The following OXA1L variants were observed in gnomAD, a reference collection of about 807,000 sequenced individuals.
OXA1L encodes OXA1L mitochondrial inner membrane insertase, also known as mitochondrial inner membrane protein OXA1L.
In OXA1L, 42 loss-of-function variants were observed where a neutral mutation model predicts 52.2. That is an observed-to-expected ratio of 0.80 (90% CI 0.63 to 1.04). The LOEUF (loss-of-function observed/expected upper bound fraction) is 1.04. OXA1L is among the 50% of genes least tolerant of loss of function. The pLI is 0.00. For synonymous variants in OXA1L, 239 were observed against 201.9 expected (o/e 1.18, Z -1.56); for missense variants, 572 against 555.0 (o/e 1.03, Z -0.31).
chr14:22,767,900 C>G, intron 2 of OXA1L, 58 bp from the exon 3 acceptor site: 1 of 1,338,354 alleles, frequency 7.5e-7, no homozygotes, highest in Non-Finnish European at 1.0e-6. Flanking sequence ...ATAAAAAGAT[C>G]TCACTTGCTT....
At chr14:22,768,302 G>A in intron 3 of OXA1L, 131 bp downstream of exon 3, 1 of 680,132 alleles carries the variant, frequency 1.5e-6, no homozygotes, top group Admixed American at 2.2e-5. Flanking sequence ...GAGCAATAGA[G>A]GTTCATGATA....
rs535118761 is a variant in OXA1L at position 22,772,556 on chromosome 14, T to C, written c.*998T>C. On this transcript the variant is annotated 3_prime_UTR_variant, in exon 10 of 10. Transcript: ENST00000612549. ...TCCAACCCATGCATGTGTTGTTCTATGCACATTTGGATTGCAGTCTAGAGG... is the reference window on the plus strand; with the variant it reads ...TCCAACCCATGCATGTGTTGTTCTACGCACATTTGGATTGCAGTCTAGAGG... 4 of 150,484 alleles carry C rather than the reference T, an allele frequency of 2.7e-5. No homozygotes were observed. Among genetic ancestry groups the C allele is most frequent in the African/African-American group, 7.4e-5 (3 of 40,698 alleles). The allele number at this position is 150,484 out of a possible 1,614,324, so 9.3% of individuals were successfully genotyped here. A position where few individuals can be genotyped will look rare whatever the true frequency, so the allele number is the denominator to read the frequency against.
At position 22,769,148 on chromosome 14, in the gene OXA1L, A is replaced by ACAATAAG. The variant is rs2038435741; in HGVS notation, c.440-643_440-642insCAATAAG. ...ACTGACTATAGTCACCCTGTTGTGC[A>ACAATAAG]ATCAATAGTAGATCTTATTCTAACT... On this transcript the variant is annotated intron_variant, in intron 3 of 9. Coordinates refer to ENST00000612549, the MANE Select transcript of OXA1L (RefSeq NM_005015.5). Among the ~76,000 whole-genome samples the ACAATAAG allele has an allele frequency of 2.6e-5, 4 of 151,648 alleles. No individual in the cohort carries two copies. In the South Asian group the frequency reaches 8.3e-4, roughly 31 times the overall value.
chr14:22,767,365 C>T lies in OXA1L; in HGVS notation c.181C>T (p.Pro61Ser), dbSNP rs1408260214. Residue 61 changes from proline to serine, a missense_variant, in exon 2 of 10, where the codon CCC becomes TCC. Pro to Ser is a moderately conservative substitution (Grantham distance 74). Around this residue, in one of 5 missense-constraint regions of OXA1L, gnomAD observed 186 missense variants for 151.8 expected, o/e 1.23. Coordinates refer to ENST00000612549, the MANE Select transcript of OXA1L (RefSeq NM_005015.5). ...CTACCTCTTCCTTGCGGCTTCCGGC[C>T]CCCGCAGCCTCAGTACCTCTGCTAT... ...PHYLFLAASG[P>S]RSLSTSAISF... The T allele has an allele frequency of 1.9e-6, 3 of 1,613,800 alleles. No homozygotes were observed. In the South Asian group the frequency reaches 3.3e-5, roughly 18 times the overall value.
chr14:22,771,535 C>T lies in OXA1L; in HGVS notation c.1285C>T (p.Pro429Ser), dbSNP rs149392154. The change falls in exon 10 of 10, where the codon CCC (proline) becomes TCC (serine). Residue 429 changes from proline to serine, a missense_variant. This residue lies in a region of OXA1L where 244 missense variants were observed against 240.2 expected (regional missense o/e 1.02). Transcript: ENST00000612549. ...CAGCAGCAAACCAAAGTCAAAGTAT[C>T]CCTGGCACGACACACTTGGCTGACT... ...SSSSKPKSKYPWHDTLG is the reference protein window; with the variant it reads ...SSSSKPKSKYSWHDTLG 648 of 1,614,066 alleles carry T rather than the reference C, an allele frequency of 4.0e-4. 4 individuals carry two copies. The highest frequency in any genetic ancestry group is 7.7e-5 in the Non-Finnish European group (91 of 1,180,022).
rs1414211706 is a variant in OXA1L, at chr14:22,766,738, C to T, written c.37C>T (p.Leu13=). Residue 13 remains leucine, a synonymous_variant, in exon 1 of 10, where the codon CTG becomes TTG. Coordinates refer to ENST00000612549, the MANE Select transcript of OXA1L (RefSeq NM_005015.5). ...ACTAATGTGCGGACGCCGGGAGCTT[C>T]TGCGCTTGCTACAGTCCGGGCGTCG... ...MGLMCGRREL[L]RLLQSGRRVH... 12 of 1,614,164 alleles carry T rather than the reference C, an allele frequency of 7.4e-6. No homozygotes were observed. Among genetic ancestry groups the T allele is most frequent in the African/African-American group, 1.3e-5 (1 of 74,958 alleles).
Position 22,766,778 on chromosome 14 carries a change from G to A in OXA1L, c.63+14G>A, listed in dbSNP as rs370709488. The A allele has an allele frequency of 8.7e-6, 14 of 1,613,742 alleles. No individual in the cohort carries two copies. Among genetic ancestry groups the A allele is most frequent in the African/African-American group, 5.3e-5 (4 of 74,930 alleles). On this transcript the variant is annotated intron_variant, in intron 1 of 9. Transcript: ENST00000612549. ...TCCGGGCGTCGGGTAAGGATGCCCC[G>A]GGGCAGAGCACCGGGATGCTGCCCT...
intron 1 of OXA1L, 96 bp from the exon 2 acceptor site, chr14:22,767,152 T>C: frequency 6.5e-7 from 1 of 1,542,514 alleles, no homozygotes; most frequent in Non-Finnish European, 8.7e-7. Context: ...CCGAGCTGCC[T>C]GCTTCTTGGG....
chr14:22,768,561 C>T (rs1242119901), intron 3 of OXA1L: 5 of 209,720 alleles, frequency 2.4e-5, no homozygotes, highest in East Asian at 2.1e-4. Context: ...CTTTCTGCCA[C>T]GTTGCTCCAT....
chr14:22,768,604 T>G, intron 3 of OXA1L: 1 of 190,012 alleles, frequency 5.3e-6, no homozygotes. Context: ...TCTTCAGCAT[T>G]TCCCTCCTCA....
At position 22,768,096 on chromosome 14, in the gene OXA1L, GT is replaced by G. The variant is rs763560212; in HGVS notation, c.365del (p.Val122GlyfsTer3). 6.2e-7 allele frequency: 1 copy of G among 1,614,246 alleles called. No individual in the cohort carries two copies. Among genetic ancestry groups the G allele is most frequent in the Admixed American group, 1.7e-5 (1 of 60,034 alleles). On this transcript the variant is annotated frameshift_variant, in exon 3 of 10. Transcript: ENST00000612549. LOFTEE classifies it high-confidence loss of function. ...ACTGGGGCTGGGGTCATACACCCCA[GT>G]GGGACTGATCCAGAATTTACTGGAA... ...AELGLGSYTP[V>X]GLIQNLLEFM...
chr14:22,770,117 C>T, intron 4 of OXA1L, 76 bp from the exon 5 acceptor site: 2 of 1,328,834 alleles, frequency 1.5e-6, no homozygotes, highest in Non-Finnish European at 2.2e-6. Flanking sequence ...ATTTCACAGG[C>T]CAGGTAGATA....
Position 22,769,858 on chromosome 14 carries a change from C to T in OXA1L, c.507C>T (p.Ile169=). The change falls in exon 4 of 10, where the codon ATC becomes ATT. Residue 169 remains isoleucine (I), a synonymous_variant. Transcript: ENST00000612549. Reference sequence around the variant, plus strand: ...CGGGCCAGCGAGAGGCAGCCAGGATCCACAATCACTTGCCAGAGATCCAGA... The same window carrying T: ...CGGGCCAGCGAGAGGCAGCCAGGATTCACAATCACTTGCCAGAGATCCAGA... The part of the protein sequence containing the change: ...IVTGQREAAR[I]HNHLPEIQKF... 6.2e-7 allele frequency: 1 copy of T among 1,614,140 alleles called. No homozygotes were observed. The highest frequency in any genetic ancestry group is 8.5e-7 in the Non-Finnish European group (1 of 1,180,018).
intron 1 of OXA1L, 121 bp downstream of exon 1, chr14:22,766,885 T>G (rs2038409627): frequency 6.5e-7 from 1 of 1,546,636 alleles, no homozygotes; most frequent in Non-Finnish European, 8.7e-7. Context: ...CTGAATGTCA[T>G]GACCTCGGGT....
chr14:22,769,437 C>T lies in OXA1L; in HGVS notation c.440-354C>T, dbSNP rs755444922. On this transcript the variant is annotated intron_variant, in intron 3 of 9. Transcript: ENST00000612549. Reference sequence around the variant, plus strand: ...GACTGCTCTGCATCCAATTAGCCTACTTCTTTCCATTTACTCCCTCAGCCG... The same window carrying T: ...GACTGCTCTGCATCCAATTAGCCTATTTCTTTCCATTTACTCCCTCAGCCG... Among the ~76,000 whole-genome samples, 121 of 152,312 alleles carry T rather than the reference C, an allele frequency of 7.9e-4. 1 individual carries two copies. The highest frequency in any genetic ancestry group is 5.2e-3 in the Admixed American group (79 of 15,302).
intron 3 of OXA1L, chr14:22,768,515 T>G (rs1298888899): frequency 3.3e-6 from 1 of 301,948 alleles, no homozygotes; most frequent in African/African-American, 2.1e-5. Context: ...TAGCATTGCT[T>G]TTGTAAAGGC....
intron 1 of OXA1L, 57 bp downstream of exon 1, chr14:22,766,821 C>T: frequency 6.2e-7 from 1 of 1,605,400 alleles, no homozygotes; most frequent in Non-Finnish European, 8.5e-7. Flanking sequence ...TGAACCAGGC[C>T]CCAGGACAGC....
At chr14:22,767,142 C>CAG (rs2038413731) in intron 1 of OXA1L, 106 bp from the exon 2 acceptor site, 7 of 1,529,966 alleles carry the variant, frequency 4.6e-6, no homozygotes, top group Non-Finnish European at 4.4e-6. Flanking sequence ...CCTGTAGTGG[C>CAG]CGAGCTGCCT....
chr14:22,766,723 G>C lies in OXA1L; in HGVS notation c.22G>C (p.Gly8Arg), dbSNP rs774375683. 1.9e-6 allele frequency: 3 copies of C among 1,614,232 alleles called. No homozygotes were observed. The East Asian group carries it at 6.7e-5, about 36-fold the overall frequency. ...CAAAATGGCGATGGGACTAATGTGCGGACGCCGGGAGCTTCTGCGCTTGCT... is the reference window on the plus strand; with the variant it reads ...CAAAATGGCGATGGGACTAATGTGCCGACGCCGGGAGCTTCTGCGCTTGCT... Reference protein sequence around the residue: MAMGLMCGRRELLRLLQS... With the variant: MAMGLMCRRRELLRLLQS... The change falls in exon 1 of 10, where the codon GGA (glycine) becomes CGA (arginine). Residue 8 changes from glycine to arginine, a missense_variant. Coordinates refer to ENST00000612549, the MANE Select transcript of OXA1L (RefSeq NM_005015.5).
Sources: allele counts gnomAD v4.1 joint callset (sites outside exome capture counted in the v4.1 genomes callset), GRCh38; gene constraint gnomAD v4.1.1; regional missense constraint gnomAD v4.1.1; transcripts MANE v1.5; gene names NCBI Gene and HGNC (gene_info 2026-07-23, HGNC 2026-07-21).